Variants in ARRDC2 observed in about 807,000 individuals in gnomAD.
ARRDC2 encodes arrestin domain-containing protein 2.
Under a neutral mutation model 38.9 loss-of-function variants are expected in ARRDC2, and 39 were observed. That is an observed-to-expected ratio of 1.00 (90% confidence interval 0.78 to 1.31). The LOEUF (loss-of-function observed/expected upper bound fraction) is 1.31, where lower values mean the gene tolerates loss of function less well. ARRDC2 is among the 50% of genes most tolerant of loss of function. The pLI, the probability that ARRDC2 is intolerant of heterozygous loss-of-function variation, is 0.00. For missense variants in ARRDC2, 553 were observed against 588.4 expected (o/e 0.94, Z 0.62); for synonymous variants, 300 against 261.9 (o/e 1.15, Z -1.41).
upstream of ARRDC2, chr19:18,007,857 C>A (rs900702802): frequency 6.2e-4 from 141 of 225,624 alleles, 3 homozygotes; most frequent in South Asian, 2.5e-4. Flanking sequence ...GTGATTAAGC[C>A]GAGAGGCTGA....
At chr19:18,011,198 A>T (rs1475886712) in intron 7 of ARRDC2, among the ~76,000 whole-genome samples, 1 of 152,146 alleles carries the variant, frequency 6.6e-6, no homozygotes, top group Admixed American at 6.6e-5. Context: ...GGGTTTCACC[A>T]TGTTGGTCAG....
Position 18,010,041 on chromosome 19 carries a change from T to C in ARRDC2, c.849+2T>C, listed in dbSNP as rs1490107249. Reference sequence around the variant, plus strand: ...CTACACGTGGACTACGCACTCAAGGTAGGGCATCCTGCTGGCCCTGGGGGA... The same window carrying C: ...CTACACGTGGACTACGCACTCAAGGCAGGGCATCCTGCTGGCCCTGGGGGA... On this transcript the variant is annotated splice_donor_variant, in intron 5 of 7. Transcript: ENST00000222250. LOFTEE classifies it high-confidence loss of function. 1.2e-6 allele frequency: 2 copies of C among 1,603,322 alleles called. No individual in the cohort carries two copies. The highest frequency in any genetic ancestry group is 2.2e-5 in the East Asian group (1 of 44,866).
At chr19:18,001,906 C>T (rs1456371367) in intron 1 of ARRDC2, among the ~76,000 whole-genome samples, 1 of 152,162 alleles carries the variant, frequency 6.6e-6, no homozygotes, top group Non-Finnish European at 1.5e-5. Flanking sequence ...CCACTGCACT[C>T]CAGCCTGGAC....
At position 18,009,074 on chromosome 19, in the gene ARRDC2, T is replaced by C; in HGVS notation, c.445T>C (p.Phe149Leu). 1 of 1,613,524 alleles carries C rather than the reference T, an allele frequency of 6.2e-7. No individual in the cohort carries two copies. The highest frequency in any genetic ancestry group is 1.1e-5 in the South Asian group (1 of 91,084). ...WVPARRARKV[F>L]TVIEPVDINT... ...CCCAGCACGCCGGGCAAGGAAGGTG[T>C]TCACTGTCATCGAGCCTGTGGACAT... Residue 149 changes from phenylalanine (F) to leucine (L), a missense_variant, in exon 3 of 8, where the codon TTC becomes CTC. Phe to Leu is a conservative substitution (Grantham distance 22). Transcript: ENST00000222250.
chr19:18,005,643 G>A (rs1365589043), upstream of ARRDC2, among the ~76,000 whole-genome samples: 8 of 149,488 alleles, frequency 5.4e-5, no homozygotes, highest in African/African-American at 1.8e-4. Context: ...CCTCCCTCCC[G>A]GACGGGGCGG....
chr19:18,009,551 A>G (rs1388660511), intron 3 of ARRDC2, 41 bp from the exon 4 acceptor site: 1 of 1,541,248 alleles, frequency 6.5e-7, no homozygotes. Context: ...TGTGGTTTGC[A>G]CAAAGTGACT....
chr19:18,005,417 G>A (rs544347006), upstream of ARRDC2, among the ~76,000 whole-genome samples: 1,482 of 152,152 alleles, frequency 9.7e-3, 10 homozygotes, highest in Admixed American at 0.014. Flanking sequence ...GCAACCATCC[G>A]ATTTCTCAAT....
chr19:18,011,055 A>G (rs1018455922), intron 7 of ARRDC2, among the ~76,000 whole-genome samples: 1 of 151,980 alleles, frequency 6.6e-6, no homozygotes, highest in Non-Finnish European at 1.5e-5. Context: ...CTGGAGTGCA[A>G]TGGTGCGATC....
upstream of ARRDC2, among the ~76,000 whole-genome samples, chr19:18,004,739 C>T (rs1043183764): frequency 1.3e-5 from 2 of 150,120 alleles, no homozygotes; most frequent in Non-Finnish European, 3.0e-5. Context: ...GTGGCTCACA[C>T]CTGTAATCCC....
At chr19:18,001,532 C>T in exon 1 of ARRDC2, 2 of 1,388,654 alleles carry the variant, frequency 1.4e-6, no homozygotes. Context: ...GACTACGCGG[C>T]CGCGGAGACC....
intron 2 of ARRDC2, 55 bp from the exon 3 acceptor site, chr19:18,008,916 C>G (rs1426465294): frequency 1.2e-6 from 2 of 1,606,806 alleles, no homozygotes; most frequent in East Asian, 2.2e-5. Context: ...GTCTCCTTCT[C>G]CCTGCCTGCT....
At position 18,009,675 on chromosome 19, in the gene ARRDC2, C is replaced by T. The variant is rs745920506; in HGVS notation, c.573C>T (p.Asp191=). The T allele has an allele frequency of 1.9e-6, 3 of 1,611,310 alleles. No homozygotes were observed. Among genetic ancestry groups the T allele is most frequent in the East Asian group, 2.2e-5 (1 of 44,766 alleles). Residue 191 remains aspartate (D), a synonymous_variant, in exon 4 of 8, where the codon GAC becomes GAT. Transcript: ENST00000222250. ...TAGTCTCCCTTTCGGCCAAGATCGA[C>T]CGCAAGGGCTACACCCCAGGTAGCA... ...RGLVSLSAKI[D]RKGYTPGEVI... is the part of the protein sequence containing the mutation.
rs767544568 is a variant in ARRDC2, at chr19:18,009,610, C to G, written c.508C>G (p.Arg170Gly). The change falls in exon 4 of 8, where the codon CGG becomes GGG. Residue 170 changes from arginine (R) to glycine (G), a missense_variant. Arg to Gly is a moderately radical substitution (Grantham distance 125). Transcript: ENST00000222250. Reference protein sequence around the residue: ...PALLAPQAGAREKVARSWYCN... With the variant: ...PALLAPQAGAGEKVARSWYCN... ...CCGACAGGCACCTCAAGCGGGGGCT[C>G]GGGAAAAGGTTGCCCGATCCTGGTA... is the stretch of plus-strand genomic sequence containing the variant. The G allele has an allele frequency of 1.2e-6, 2 of 1,603,620 alleles. No individual in the cohort carries two copies. The highest frequency in any genetic ancestry group is 1.7e-6 in the Non-Finnish European group (2 of 1,172,248).
upstream of ARRDC2, chr19:18,008,043 C>T (rs561154714): frequency 6.8e-5 from 67 of 988,298 alleles, no homozygotes; most frequent in African/African-American, 1.0e-3. Flanking sequence ...TATTTTGCTC[C>T]ACGCCTGGGC....
At chr19:18,006,589 G>A (rs990169646), upstream of ARRDC2, among the ~76,000 whole-genome samples, 42 of 152,282 alleles carry the variant, frequency 2.8e-4, no homozygotes, top group African/African-American at 4.1e-4. Flanking sequence ...GCTTCTGCTC[G>A]GCATGAGAGG....
At chr19:18,001,502 G>A in exon 1 of ARRDC2, 1 of 1,371,070 alleles carries the variant, frequency 7.3e-7, no homozygotes, top group Non-Finnish European at 9.5e-7. Flanking sequence ...CGCAGCGTGG[G>A]CGTCAACGCC....
At position 18,010,616 on chromosome 19, in the gene ARRDC2, G is replaced by A. The variant is rs767541391; in HGVS notation, c.1057G>A (p.Ala353Thr). The A allele has an allele frequency of 1.1e-5, 18 of 1,613,870 alleles. No individual in the cohort carries two copies. In the Admixed American group the frequency reaches 2.3e-4, roughly 21 times the overall value. Residue 353 changes from alanine to threonine, a missense_variant, in exon 7 of 8, where the codon GCC becomes ACC. Coordinates refer to ENST00000222250, the MANE Select transcript of ARRDC2 (RefSeq NM_015683.2). ...SEVVADTEEA[A>T]LGQSPFPLPQ... ...GGTGGTAGCCGACACTGAGGAGGCA[G>A]CCTTGGGGCAGAGCCCCTTCCCGCT...
exon 1 of ARRDC2, chr19:18,001,329 C>T (rs1172171084): frequency 4.2e-6 from 5 of 1,196,354 alleles, no homozygotes; most frequent in African/African-American, 1.6e-5. Context: ...GCTCTGGGGG[C>T]GTGCGCAGCT....
rs888775737 is a variant in ARRDC2 at position 18,001,502 on chromosome 19, GCGT to G, written c.190_192del (p.Val64del). 3 of 1,370,952 alleles carry G rather than the reference GCGT, an allele frequency of 2.2e-6. No individual in the cohort carries two copies. The African/African-American group carries it at 4.5e-5, about 21-fold the overall frequency. The allele number at this position is 1,370,952 out of a possible 1,614,324, so 84.9% of individuals were successfully genotyped here. On this transcript the variant is annotated inframe_deletion, in exon 1 of 8. Transcript: ENST00000379656. ...CACTGGTTGGAGGGTCGCAGCGTGG[GCGT>G]CAACGCCGTATCCAGCGACTACGCG...
Sources: gnomAD v4.1 joint callset for allele counts (sites outside exome capture counted in the v4.1 genomes callset) on GRCh38, gnomAD v4.1.1 for gene constraint, MANE v1.5 for transcripts, NCBI Gene and HGNC (gene_info 2026-07-23, HGNC 2026-07-21) for gene names.